The following KALRN variants were observed in gnomAD, a reference collection of about 807,000 sequenced individuals.
The protein encoded by KALRN is kalirin RhoGEF kinase.
A neutral mutation model predicts 353.7 loss-of-function variants in KALRN; 70 were observed. The observed-to-expected ratio is 0.20, with a 90% CI of 0.16 to 0.24. The LOEUF is 0.24. KALRN is among the 10% of genes least tolerant of loss of function. The pLI, the probability that KALRN is intolerant of heterozygous loss-of-function variation, is 1.00. For synonymous variants in KALRN, 1,391 were observed against 1,434.8 expected (o/e 0.97, Z 0.69); for missense variants, 2,791 against 3,756.7 (o/e 0.74, Z 6.72).
intron 34 of KALRN, among the ~76,000 whole-genome samples, chr3:124,624,240 G>T (rs2079664379): frequency 6.6e-6 from 1 of 152,118 alleles, no homozygotes; most frequent in Admixed American, 6.6e-5. Context: ...AATTGTCCTG[G>T]CATTGCAGTG....
intron 34 of KALRN, among the ~76,000 whole-genome samples, chr3:124,597,967 C>A (rs1312974608): frequency 2.6e-5 from 4 of 152,036 alleles, no homozygotes; most frequent in Non-Finnish European, 4.4e-5. Context: ...TTTGGAGGAA[C>A]AGGGAGGGTG....
intron 1 of KALRN, among the ~76,000 whole-genome samples, chr3:124,131,388 C>T (rs1159587983): frequency 6.6e-6 from 1 of 152,162 alleles, no homozygotes; most frequent in Non-Finnish European, 1.5e-5. Context: ...ATAGACCTTC[C>T]AGTCACTCCT....
intron 1 of KALRN, among the ~76,000 whole-genome samples, chr3:124,039,246 C>G (rs982549377): frequency 2.6e-5 from 4 of 152,222 alleles, no homozygotes; most frequent in Non-Finnish European, 4.4e-5. Flanking sequence ...AAATCCAACA[C>G]AGTCTTTAAG....
intron 3 of KALRN, among the ~76,000 whole-genome samples, chr3:124,260,749 C>T (rs2072737535): frequency 6.6e-6 from 1 of 152,142 alleles, no homozygotes. Flanking sequence ...GAATGGGACT[C>T]TCCAAGGCAC....
At chr3:124,093,787 G>A (rs1374385103) in intron 1 of KALRN, among the ~76,000 whole-genome samples, 1 of 152,146 alleles carries the variant, frequency 6.6e-6, no homozygotes, top group Non-Finnish European at 1.5e-5. Flanking sequence ...AAATATAAAG[G>A]AAGGAAGATC....
intron 3 of KALRN, among the ~76,000 whole-genome samples, chr3:124,248,133 A>T (rs948547476): frequency 1.3e-5 from 2 of 152,100 alleles, no homozygotes; most frequent in African/African-American, 4.8e-5. Flanking sequence ...TAGGTGGTGA[A>T]CCTCTTGCAG....
At chr3:124,585,047 TGA>T (rs1394337789) in intron 34 of KALRN, 5 of 1,040,714 alleles carry the variant, frequency 4.8e-6, no homozygotes, top group Admixed American at 6.1e-5. Context: ...GGCGGCGAAG[TGA>T]GAGAGTTTGC....
rs547319300 is a variant in KALRN, at chr3:124,456,745, G to T, written c.3854+17G>T. On this transcript the variant is annotated intron_variant, in intron 23 of 59. Coordinates refer to ENST00000682506, the MANE Select transcript of KALRN (RefSeq NM_001388419.1). ...GAAGAAAGAGTACGTGTTGGCTTCCGCCCAGCTAGCTGGCTCCCCGTGACT... is the reference window on the plus strand; with the variant it reads ...GAAGAAAGAGTACGTGTTGGCTTCCTCCCAGCTAGCTGGCTCCCCGTGACT... The T allele has an allele frequency of 3.8e-6, 6 of 1,576,604 alleles. No individual in the cohort carries two copies. Among genetic ancestry groups the T allele is most frequent in the Admixed American group, 1.7e-5 (1 of 59,580 alleles).
At position 124,338,896 on chromosome 3, in the gene KALRN, G is replaced by T. The variant is rs529584161; in HGVS notation, c.1647+4401G>T. Among the ~76,000 whole-genome samples, 18 of 152,282 alleles carry T rather than the reference G, an allele frequency of 1.2e-4. 1 individual carries two copies. In the South Asian group the frequency reaches 3.7e-3, roughly 32 times the overall value. On this transcript the variant is annotated intron_variant, in intron 9 of 59. Coordinates refer to ENST00000682506, the MANE Select transcript of KALRN (RefSeq NM_001388419.1). Reference sequence around the variant, plus strand: ...CCATTTGTTACAGAAAATGAGGGAGGCATCACATGTGAATATGTAACTATA... The same window carrying T: ...CCATTTGTTACAGAAAATGAGGGAGTCATCACATGTGAATATGTAACTATA...
intron 10 of KALRN, among the ~76,000 whole-genome samples, chr3:124,369,132 T>C (rs1373675267): frequency 6.6e-6 from 1 of 152,240 alleles, no homozygotes; most frequent in Non-Finnish European, 1.5e-5. Context: ...ATTGTATTTC[T>C]CCAAGCATTC....
At chr3:124,716,307 T>G (rs189561530) in intron 58 of KALRN, among the ~76,000 whole-genome samples, 1 of 152,342 alleles carries the variant, frequency 6.6e-6, no homozygotes, top group East Asian at 1.9e-4. Flanking sequence ...GTGGATCACT[T>G]GAGACCAGGA....
rs567311175 is a variant in KALRN at position 124,168,386 on chromosome 3, C to G, written c.74-59604C>G. Among the ~76,000 whole-genome samples the G allele has an allele frequency of 4.6e-5, 7 of 152,302 alleles. No individual in the cohort carries two copies. In the South Asian group the frequency reaches 1.5e-3, roughly 32 times the overall value. On this transcript the variant is annotated intron_variant, in intron 1 of 59. Transcript: ENST00000682506. ...TTGGTTGCCATTGGCAACTGATTGTCTACTTTGTCCAAGCTCTGGCAACCT... is the reference window on the plus strand; with the variant it reads ...TTGGTTGCCATTGGCAACTGATTGTGTACTTTGTCCAAGCTCTGGCAACCT...
intron 41 of KALRN, among the ~76,000 whole-genome samples, chr3:124,658,063 G>A (rs2150184413): frequency 6.6e-6 from 1 of 152,302 alleles, no homozygotes; most frequent in South Asian, 2.1e-4. Context: ...GCGGAGGCAG[G>A]AGGATCGCTT....
chr3:124,398,332 G>A (rs1432966098), intron 12 of KALRN, among the ~76,000 whole-genome samples: 1 of 152,086 alleles, frequency 6.6e-6, no homozygotes. Flanking sequence ...GTGTGTGTTG[G>A]AACTATACAT....
intron 37 of KALRN, among the ~76,000 whole-genome samples, chr3:124,646,732 G>C (rs2082797500): frequency 6.7e-6 from 1 of 150,034 alleles, no homozygotes; most frequent in Non-Finnish European, 1.5e-5. Context: ...GTTCTTTTCT[G>C]ACGAATATAA....
intron 10 of KALRN, 124 bp downstream of exon 10, chr3:124,347,389 G>GC: frequency 7.3e-7 from 1 of 1,364,556 alleles, no homozygotes; most frequent in Non-Finnish European, 9.8e-7. Flanking sequence ...GTGTGTGTGT[G>GC]TGTGTGTGTG....
rs182791128 is a variant in KALRN at position 124,198,947 on chromosome 3, G to A, written c.74-29043G>A. 1.8e-3 allele frequency among the ~76,000 whole-genome samples: 270 copies of A among 152,330 alleles called. 1 individual carries two copies. The highest frequency in any genetic ancestry group is 6.8e-3 in the Middle Eastern group (2 of 294). The stretch of plus-strand genomic sequence containing the variant: ...ATCTGGAAGTACCAGGAAGCCAGAG[G>A]CCCAGATTGTGTGATCGGTCAGTGC... On this transcript the variant is annotated intron_variant, in intron 1 of 59. Coordinates refer to ENST00000682506, the MANE Select transcript of KALRN (RefSeq NM_001388419.1).
At chr3:124,270,328 A>G (rs2073994337) in intron 5 of KALRN, among the ~76,000 whole-genome samples, 1 of 152,182 alleles carries the variant, frequency 6.6e-6, no homozygotes, top group African/African-American at 2.4e-5. Context: ...GTATTTTTAA[A>G]TGATGAAATC....
At chr3:124,419,310 T>C (rs1437649542) in intron 14 of KALRN, among the ~76,000 whole-genome samples, 1 of 150,754 alleles carries the variant, frequency 6.6e-6, no homozygotes, top group East Asian at 1.9e-4. Context: ...ATGAATATTT[T>C]AAGCCTACTA....
Sources: gnomAD v4.1 joint callset for allele counts (sites outside exome capture counted in the v4.1 genomes callset) on GRCh38, gnomAD v4.1.1 for gene constraint, MANE v1.5 for transcripts, NCBI Gene and HGNC (gene_info 2026-07-23, HGNC 2026-07-21) for gene names.